Variants in GALNT13 observed in about 807,000 individuals in gnomAD.
GALNT13 encodes the protein polypeptide N-acetylgalactosaminyltransferase 13.
In GALNT13, 28 loss-of-function variants were observed where a neutral mutation model predicts 64.2. The observed-to-expected ratio is 0.44, with a 90% CI of 0.32 to 0.60. The LOEUF (loss-of-function observed/expected upper bound fraction) is 0.60. Ranked by LOEUF, GALNT13 falls within the 20% of genes least tolerant of loss-of-function variation. The pLI is 0.05. For synonymous variants in GALNT13, 214 were observed against 224.6 expected, an observed-to-expected ratio of 0.95 and a Z score of 0.42; for missense variants, 577 against 669.8, an observed-to-expected ratio of 0.86 and a Z score of 1.53.
the GALNT13 span, among the ~76,000 whole-genome samples, chr2:153,821,058 T>C: frequency 6.6e-6 from 1 of 152,106 alleles, no homozygotes; most frequent in Non-Finnish European, 1.5e-5. Flanking sequence ...TCCTAAATTA[T>C]ATGAACCCAA....
At chr2:153,315,226 G>C in the GALNT13 span, among the ~76,000 whole-genome samples, 1 of 152,070 alleles carries the variant, frequency 6.6e-6, no homozygotes, top group African/African-American at 2.4e-5. Flanking sequence ...AGACATGGTG[G>C]CTTATTTATT....
At chr2:153,580,618 C>G in the GALNT13 span, among the ~76,000 whole-genome samples, 758 of 152,072 alleles carry the variant, frequency 5.0e-3, 9 homozygotes, top group African/African-American at 0.017. Flanking sequence ...AAGAAAGAAA[C>G]AAAAATAGAG....
At chr2:153,534,996 G>A in the GALNT13 span, among the ~76,000 whole-genome samples, 24 of 152,198 alleles carry the variant, frequency 1.6e-4, no homozygotes, top group African/African-American at 5.5e-4. Context: ...GTGTTGAAGT[G>A]TTGAAGTGTT....
chr2:153,641,602 C>T, the GALNT13 span, among the ~76,000 whole-genome samples: 2 of 152,038 alleles, frequency 1.3e-5, no homozygotes, highest in East Asian at 3.9e-4. Flanking sequence ...TAAGCGGGAT[C>T]CACTATATGT....
chr2:153,431,533 C>G, the GALNT13 span, among the ~76,000 whole-genome samples: 45 of 152,282 alleles, frequency 3.0e-4, no homozygotes, highest in Non-Finnish European at 6.0e-4. Context: ...TAGTTTTGCC[C>G]CTTGGTTCTC....
At chr2:153,346,383 G>A in the GALNT13 span, among the ~76,000 whole-genome samples, 1 of 152,130 alleles carries the variant, frequency 6.6e-6, no homozygotes, top group South Asian at 2.1e-4. Flanking sequence ...CTTCCTTGGT[G>A]TCTTCTAATC....
intron 4 of GALNT13, among the ~76,000 whole-genome samples, chr2:154,179,547 A>C (rs1286486982): frequency 6.6e-6 from 1 of 152,178 alleles, no homozygotes; most frequent in Non-Finnish European, 1.5e-5. Context: ...CAAATGTGGA[A>C]TATCAACTCT....
At chr2:154,066,104 G>T (rs576789662) in intron 3 of GALNT13, among the ~76,000 whole-genome samples, 1 of 152,132 alleles carries the variant, frequency 6.6e-6, no homozygotes, top group Admixed American at 6.6e-5. Flanking sequence ...ATTCATCAGC[G>T]TCTCTTAATA....
At chr2:154,004,052 C>A (rs1250025567) in intron 3 of GALNT13, among the ~76,000 whole-genome samples, 2 of 152,062 alleles carry the variant, frequency 1.3e-5, no homozygotes, top group African/African-American at 4.8e-5. Context: ...AATTAAAGGA[C>A]TAATACTAAT....
At chr2:153,315,511 G>C in the GALNT13 span, among the ~76,000 whole-genome samples, 87 of 152,146 alleles carry the variant, frequency 5.7e-4, no homozygotes, top group African/African-American at 2.0e-3. Flanking sequence ...AAATAAGAAT[G>C]AACCAAACAA....
At chr2:153,201,749 C>G in the GALNT13 span, 7 of 152,134 alleles carry the variant, frequency 4.6e-5, no homozygotes, top group Admixed American at 6.5e-5. Flanking sequence ...TAGTGGGCGC[C>G]CCACCAGGTG....
At chr2:154,043,415 TATATATATATATA>T (rs1415019626) in intron 3 of GALNT13, among the ~76,000 whole-genome samples, 6,241 of 83,588 alleles carry the variant, frequency 0.075, 511 homozygotes, top group African/African-American at 0.23. Context: ...TAAGGACTTT[TATATATATATATA>T]TATATATATA....
chr2:154,379,144 TAAAA>T (rs1405105456), intron 9 of GALNT13, among the ~76,000 whole-genome samples: 2 of 152,076 alleles, frequency 1.3e-5, no homozygotes, highest in Non-Finnish European at 2.9e-5. Context: ...ACTATGATAT[TAAAA>T]AAACTAAATG....
chr2:153,745,667 A>G, the GALNT13 span, among the ~76,000 whole-genome samples: 1 of 152,218 alleles, frequency 6.6e-6, no homozygotes, highest in Non-Finnish European at 1.5e-5. Context: ...TATTAAGCAT[A>G]GGTTAACATA....
chr2:153,363,001 A>G, the GALNT13 span, among the ~76,000 whole-genome samples: 4 of 152,196 alleles, frequency 2.6e-5, no homozygotes, highest in African/African-American at 9.6e-5. Context: ...ACTCCTCAGC[A>G]AATGCAAAAG....
chr2:154,118,007 A>T (rs1423983744), intron 3 of GALNT13, among the ~76,000 whole-genome samples: 1 of 152,154 alleles, frequency 6.6e-6, no homozygotes, highest in East Asian at 1.9e-4. Flanking sequence ...TGGTTGGAAG[A>T]TTCTATACAT....
the GALNT13 span, among the ~76,000 whole-genome samples, chr2:153,181,043 T>TC: frequency 6.9e-6 from 1 of 144,154 alleles, no homozygotes; most frequent in Non-Finnish European, 1.5e-5. Context: ...TTTTTTTTTT[T>TC]TTTTTTGCTG....
the GALNT13 span, among the ~76,000 whole-genome samples, chr2:153,393,232 A>G: frequency 1.3e-5 from 2 of 151,346 alleles, no homozygotes; most frequent in Non-Finnish European, 2.9e-5. Flanking sequence ...ATCTTAATTT[A>G]TTTTGTAGTC....
the GALNT13 span, among the ~76,000 whole-genome samples, chr2:153,404,552 A>G: frequency 6.6e-6 from 1 of 152,000 alleles, no homozygotes; most frequent in Non-Finnish European, 1.5e-5. Flanking sequence ...TAGGAAAAGT[A>G]TTTCCCAATT....
Sources: gnomAD v4.1 joint callset for allele counts (sites outside exome capture counted in the v4.1 genomes callset) on GRCh38, gnomAD v4.1.1 for gene constraint, MANE v1.5 for transcripts, NCBI Gene and HGNC (gene_info 2026-07-23, HGNC 2026-07-21) for gene names.